OPCML: variants seen among roughly 807,000 people sequenced by gnomAD.
OPCML encodes the protein opioid binding protein/cell adhesion molecule like, also known as opioid-binding protein/cell adhesion molecule.
In OPCML, 13 loss-of-function variants were observed where a neutral mutation model predicts 37.8. The observed-to-expected ratio is 0.34, with a 90% confidence interval of 0.22 to 0.55. The LOEUF (loss-of-function observed/expected upper bound fraction) is 0.55. OPCML is among the 20% of genes least tolerant of loss of function. OPCML has a pLI of 0.91. For synonymous variants in OPCML, 176 were observed against 168.8 expected, an observed-to-expected ratio of 1.04 and a Z score of -0.33; for missense variants, 341 against 435.6, an observed-to-expected ratio of 0.78 and a Z score of 1.93.
At chr11:132,876,801 T>C (rs941794950) in intron 2 of OPCML, among the ~76,000 whole-genome samples, 1 of 152,110 alleles carries the variant, frequency 6.6e-6, no homozygotes, top group Non-Finnish European at 1.5e-5. Context: ...CAGAACACAA[T>C]GCCATCAGGG....
chr11:133,516,766 C>T (rs1948284270), intron 1 of OPCML, among the ~76,000 whole-genome samples: 1 of 152,142 alleles, frequency 6.6e-6, no homozygotes, highest in African/African-American at 2.4e-5. Flanking sequence ...GATGGATGGT[C>T]CCTGTCCTTG....
intron 1 of OPCML, among the ~76,000 whole-genome samples, chr11:132,966,278 G>A (rs1334380513): frequency 1.3e-5 from 2 of 151,890 alleles, no homozygotes; most frequent in African/African-American, 2.4e-5. Flanking sequence ...CCTTGTGATT[G>A]TTTTTCTTTG....
rs187732569 is a variant in OPCML at position 133,086,309 on chromosome 11, T to C, written c.62-143299A>G. ...TTTCCCCCATTTTAAAAGCCTAACATAAAATGTGATGTGATTTTTTTTTCA... is the reference window on the plus strand; with the variant it reads ...TTTCCCCCATTTTAAAAGCCTAACACAAAATGTGATGTGATTTTTTTTTCA... On this transcript the variant is annotated intron_variant, in intron 1 of 7. Coordinates refer to ENST00000524381, the MANE Select transcript of OPCML (RefSeq NM_001012393.5). Among the ~76,000 whole-genome samples the C allele has an allele frequency of 2.0e-3, 299 of 152,308 alleles. 1 individual carries two copies. Among genetic ancestry groups the C allele is most frequent in the Non-Finnish European group, 3.2e-3 (216 of 68,020 alleles).
chr11:132,968,177 A>T (rs1342582767), intron 1 of OPCML, among the ~76,000 whole-genome samples: 1 of 151,988 alleles, frequency 6.6e-6, no homozygotes, highest in South Asian at 2.1e-4. Flanking sequence ...TTAATTTCAA[A>T]CTCCACTTGC....
At chr11:132,453,881 G>C (rs2096074794) in intron 4 of OPCML, among the ~76,000 whole-genome samples, 1 of 152,204 alleles carries the variant, frequency 6.6e-6, no homozygotes, top group African/African-American at 2.4e-5. Flanking sequence ...TTCCTTACTG[G>C]TACTACTTTT....
chr11:133,035,054 G>A (rs537981749), intron 1 of OPCML, among the ~76,000 whole-genome samples: 11 of 152,274 alleles, frequency 7.2e-5, no homozygotes, highest in South Asian at 4.1e-4. Context: ...TGCCCCAGGC[G>A]GGAGGAAAGG....
chr11:133,436,152 C>T (rs1231439107), intron 1 of OPCML, among the ~76,000 whole-genome samples: 3 of 151,862 alleles, frequency 2.0e-5, no homozygotes, highest in Non-Finnish European at 4.4e-5. Context: ...AAAAAAAATG[C>T]TAACATACCT....
chr11:132,479,393 G>T (rs988220370), intron 4 of OPCML, among the ~76,000 whole-genome samples: 1 of 152,198 alleles, frequency 6.6e-6, no homozygotes, highest in African/African-American at 2.4e-5. Flanking sequence ...GAATCTCGCT[G>T]ATTGCTAGCA....
At chr11:133,137,634 C>A (rs570822158) in intron 1 of OPCML, among the ~76,000 whole-genome samples, 12 of 152,184 alleles carry the variant, frequency 7.9e-5, no homozygotes, top group African/African-American at 2.4e-4. Context: ...TCCTATAAAC[C>A]CACTTTGAAT....
chr11:133,420,275 T>A (rs1379230500), intron 1 of OPCML: 1 of 985,294 alleles, frequency 1.0e-6, no homozygotes, highest in Non-Finnish European at 1.2e-6. Context: ...CCAAAGATAC[T>A]CCTGAACGTC....
chr11:132,555,056 T>C (rs1007220971), intron 3 of OPCML, among the ~76,000 whole-genome samples: 2 of 151,970 alleles, frequency 1.3e-5, no homozygotes, highest in African/African-American at 4.8e-5. Context: ...GCGGGAGCAC[T>C]GCGTGATGAA....
chr11:133,313,583 G>T (rs1027887908), intron 1 of OPCML, among the ~76,000 whole-genome samples: 2 of 152,192 alleles, frequency 1.3e-5, no homozygotes, highest in African/African-American at 4.8e-5. Flanking sequence ...TTTCCAGGCT[G>T]TGGTCAAGAA....
At chr11:132,939,470 A>AAAAACAC (rs1221663868) in intron 2 of OPCML, among the ~76,000 whole-genome samples, 6 of 152,360 alleles carry the variant, frequency 3.9e-5, no homozygotes, top group Admixed American at 6.5e-5. Context: ...TGTTGAAATA[A>AAAAACAC]AAAACACAAA....
intron 1 of OPCML, among the ~76,000 whole-genome samples, chr11:133,322,238 A>G (rs922767923): frequency 6.6e-6 from 1 of 152,182 alleles, no homozygotes; most frequent in African/African-American, 2.4e-5. Context: ...TTCTCTAAGC[A>G]GCCACTGACT....
intron 2 of OPCML, among the ~76,000 whole-genome samples, chr11:132,677,062 C>A (rs1461584158): frequency 6.6e-6 from 1 of 151,932 alleles, no homozygotes; most frequent in Non-Finnish European, 1.5e-5. Flanking sequence ...TTGCAGGATA[C>A]AAAGTTAGTA....
intron 4 of OPCML, among the ~76,000 whole-genome samples, chr11:132,485,600 T>C (rs1444158418): frequency 2.0e-5 from 3 of 152,220 alleles, no homozygotes; most frequent in African/African-American, 7.2e-5. Flanking sequence ...TCTCCTACTA[T>C]GACTTAGCGT....
chr11:132,834,632 G>A (rs73041407), intron 2 of OPCML, among the ~76,000 whole-genome samples: 10,188 of 152,224 alleles, frequency 0.067, 393 homozygotes, highest in Non-Finnish European at 0.076. Flanking sequence ...GTCTTCACAT[G>A]ACATTCTCAT....
intron 1 of OPCML, among the ~76,000 whole-genome samples, chr11:133,230,587 C>CT (rs774498708): frequency 3.6e-4 from 55 of 152,200 alleles, no homozygotes; most frequent in Admixed American, 5.9e-4. Flanking sequence ...TTAACAAGAC[C>CT]TTATCTGGCA....
At chr11:132,873,406 G>A (rs546797333) in intron 2 of OPCML, among the ~76,000 whole-genome samples, 1 of 152,234 alleles carries the variant, frequency 6.6e-6, no homozygotes, top group Admixed American at 6.5e-5. Context: ...CCCAGGTGTA[G>A]GCATGCCCCC....
Sources: gnomAD v4.1 joint callset for allele counts (sites outside exome capture counted in the v4.1 genomes callset) on GRCh38, gnomAD v4.1.1 for gene constraint, MANE v1.5 for transcripts, NCBI Gene and HGNC (gene_info 2026-07-23, HGNC 2026-07-21) for gene names.